The following ANO4 variants were observed in gnomAD, a reference collection of about 807,000 sequenced individuals.
ANO4 encodes the protein anoctamin-4.
Under a neutral mutation model 141.9 loss-of-function variants are expected in ANO4, and 69 were observed. The ratio of observed to expected loss-of-function variants is 0.49; its 90% CI spans 0.40 to 0.59. ANO4 has a LOEUF of 0.59. ANO4 is among the 20% of genes least tolerant of loss of function. The pLI, the probability that ANO4 is intolerant of heterozygous loss-of-function variation, is 0.00. For synonymous variants in ANO4, 350 were observed against 394.3 expected, an observed-to-expected ratio of 0.89 and a Z score of 1.33; for missense variants, 894 against 1,162.2, an observed-to-expected ratio of 0.77 and a Z score of 3.36.
At chr12:100,955,873 G>A (rs2136219880) in intron 5 of ANO4, among the ~76,000 whole-genome samples, 1 of 152,288 alleles carries the variant, frequency 6.6e-6, no homozygotes, top group South Asian at 2.1e-4. Flanking sequence ...TGGCATGATA[G>A]ACTTTGAATT....
At chr12:101,069,331 C>G (rs549766415) in intron 14 of ANO4, 1 of 674,152 alleles carries the variant, frequency 1.5e-6, no homozygotes, top group African/African-American at 1.8e-5. Context: ...TTGTCTTCAA[C>G]TTTAGTTTAA....
At position 101,110,464 on chromosome 12, in the gene ANO4, C is replaced by T. The variant is rs1194125908; in HGVS notation, c.2210C>T (p.Ala737Val). The stretch of plus-strand genomic sequence containing the variant: ...GCTTTTCCCCTAGCACCACTTCTGG[C>T]CTTACTGAATAACATAATTGAAATT... ...VAAFPLAPLL[A>V]LLNNIIEIRL... is the part of the protein sequence containing the mutation. The change falls in exon 23 of 28, where the codon GCC becomes GTC. Residue 737 changes from alanine (A) to valine (V), a missense_variant. Transcript: ENST00000392977. 6.2e-7 allele frequency: 1 copy of T among 1,612,144 alleles called. No homozygotes were observed. The highest frequency in any genetic ancestry group is 8.5e-7 in the Non-Finnish European group (1 of 1,179,146).
At chr12:101,024,004 G>T (rs949415527) in intron 9 of ANO4, among the ~76,000 whole-genome samples, 2 of 152,156 alleles carry the variant, frequency 1.3e-5, no homozygotes, top group Admixed American at 6.5e-5. Context: ...TTGTAGACAT[G>T]ATTCATAAGG....
intron 7 of ANO4, among the ~76,000 whole-genome samples, chr12:100,983,247 G>T (rs2044563426): frequency 6.6e-6 from 1 of 152,208 alleles, no homozygotes; most frequent in Non-Finnish European, 1.5e-5. Flanking sequence ...AACAGTGGGA[G>T]CCTGGCTAGC....
At chr12:101,063,039 T>C (rs2048415094) in intron 14 of ANO4, among the ~76,000 whole-genome samples, 1 of 152,222 alleles carries the variant, frequency 6.6e-6, no homozygotes, top group African/African-American at 2.4e-5. Flanking sequence ...AATCTCCTGG[T>C]CTGCAGGTTA....
intron 3 of ANO4, among the ~76,000 whole-genome samples, chr12:100,752,731 G>T (rs2135502397): frequency 6.6e-6 from 1 of 152,286 alleles, no homozygotes; most frequent in East Asian, 1.9e-4. Context: ...AGTTGGCAAA[G>T]ATGTGATCCC....
intron 7 of ANO4, among the ~76,000 whole-genome samples, chr12:100,983,023 AG>A (rs2044552352): frequency 6.6e-6 from 1 of 152,224 alleles, no homozygotes; most frequent in South Asian, 2.1e-4. Flanking sequence ...TATGCTTTCC[AG>A]CCTAGTGGCT....
chr12:100,972,960 C>G (rs1592887413), intron 6 of ANO4, among the ~76,000 whole-genome samples: 1 of 152,322 alleles, frequency 6.6e-6, no homozygotes, highest in East Asian at 1.9e-4. Context: ...CTTCTGCATG[C>G]CTACTACACA....
intron 14 of ANO4, among the ~76,000 whole-genome samples, chr12:101,076,191 A>AG (rs1000731515): frequency 5.9e-5 from 9 of 152,112 alleles, no homozygotes; most frequent in Non-Finnish European, 1.0e-4. Flanking sequence ...GGTATTAGTA[A>AG]GGGGGGCCTC....
chr12:101,033,119 A>G (rs2047044356), intron 9 of ANO4, among the ~76,000 whole-genome samples: 1 of 152,244 alleles, frequency 6.6e-6, no homozygotes, highest in Admixed American at 6.5e-5. Flanking sequence ...CATATACACC[A>G]TGGAATACTA....
intron 13 of ANO4, among the ~76,000 whole-genome samples, chr12:101,046,101 C>A (rs1303017614): frequency 2.6e-5 from 4 of 152,246 alleles, no homozygotes; most frequent in African/African-American, 9.6e-5. Flanking sequence ...GTGCCCCAGG[C>A]ACGACTGAGT....
At chr12:100,905,098 G>A (rs1466791345) in intron 2 of ANO4, among the ~76,000 whole-genome samples, 1 of 152,176 alleles carries the variant, frequency 6.6e-6, no homozygotes, top group African/African-American at 2.4e-5. Flanking sequence ...CAAAGGTGGG[G>A]CTGAGTTCAG....
chr12:100,870,599 A>G (rs1235448801), intron 1 of ANO4, among the ~76,000 whole-genome samples: 1 of 152,050 alleles, frequency 6.6e-6, no homozygotes, highest in Non-Finnish European at 1.5e-5. Flanking sequence ...TTAATCCCTT[A>G]TCCTGTGGGT....
intron 1 of ANO4, among the ~76,000 whole-genome samples, chr12:100,805,777 G>A (rs1004072939): frequency 1.3e-5 from 2 of 151,998 alleles, no homozygotes; most frequent in African/African-American, 4.8e-5. Flanking sequence ...TTTTTGGAGG[G>A]ATCTCACTTT....
chr12:101,056,794 A>G (rs922049207), intron 14 of ANO4, among the ~76,000 whole-genome samples: 3 of 151,632 alleles, frequency 2.0e-5, no homozygotes, highest in African/African-American at 7.3e-5. Flanking sequence ...AAAATCATGA[A>G]TGGGTATAGA....
At position 100,829,588 on chromosome 12, in the gene ANO4, A is replaced by G. The variant is rs1245027404; in HGVS notation, c.-141+34561A>G. 2.0e-5 allele frequency among the ~76,000 whole-genome samples: 3 copies of G among 152,090 alleles called. No individual in the cohort carries two copies. In the East Asian group the frequency reaches 5.8e-4, roughly 29 times the overall value. ...TCTGTCATTAGAATTTTTAAAGTGT[A>G]AGTTAAAGTTAATATTTTGCTTTAT... is the stretch of plus-strand genomic sequence containing the variant. On this transcript the variant is annotated intron_variant, in intron 1 of 27. Coordinates refer to ENST00000392977, the MANE Select transcript of ANO4 (RefSeq NM_001286615.2).
At chr12:100,806,524 G>GGTTTTTTTT (rs2035045491) in intron 1 of ANO4, among the ~76,000 whole-genome samples, 1 of 59,838 alleles carries the variant, frequency 1.7e-5, no homozygotes, top group African/African-American at 5.6e-5. Context: ...TTTTTGTTTC[G>GGTTTTTTTT]TTTTTTTTTT....
chr12:100,745,669 T>A (rs550824461), intron 3 of ANO4, among the ~76,000 whole-genome samples: 1 of 152,232 alleles, frequency 6.6e-6, no homozygotes. Flanking sequence ...GAAAGCAGAA[T>A]GAAAAAGTTC....
intron 2 of ANO4, among the ~76,000 whole-genome samples, chr12:100,905,268 A>G (rs1192183103): frequency 6.6e-6 from 1 of 152,196 alleles, no homozygotes; most frequent in East Asian, 1.9e-4. Flanking sequence ...TGAGATTGCA[A>G]GAGATGACCA....
Sources: gnomAD v4.1 joint callset for allele counts (sites outside exome capture counted in the v4.1 genomes callset) on GRCh38, gnomAD v4.1.1 for gene constraint, MANE v1.5 for transcripts, NCBI Gene and HGNC (gene_info 2026-07-23, HGNC 2026-07-21) for gene names.